Variants in MSI2 observed in about 807,000 individuals in gnomAD.
MSI2 encodes musashi RNA binding protein 2.
MSI2 carries 17 observed loss-of-function variants against 45.6 expected under a neutral mutation model. The observed-to-expected ratio is 0.37, with a 90% confidence interval of 0.26 to 0.56. The LOEUF is 0.56. Among genes scored for constraint, MSI2 ranks in the 20% least tolerant of loss-of-function variants. The pLI is 0.77. For missense variants in MSI2, 293 were observed against 444.2 expected, an observed-to-expected ratio of 0.66 and a Z score of 3.06; for synonymous variants, 156 against 158.2, an observed-to-expected ratio of 0.99 and a Z score of 0.11.
intron 7 of MSI2, among the ~76,000 whole-genome samples, chr17:57,558,667 C>T (rs558832060): frequency 1.1e-3 from 171 of 152,328 alleles, no homozygotes; most frequent in Non-Finnish European, 2.1e-3. Flanking sequence ...ACCAGCCCTG[C>T]CAAGAGCAAA....
chr17:57,410,100 GGGCA>G (rs2084167429), intron 6 of MSI2, among the ~76,000 whole-genome samples: 1 of 151,706 alleles, frequency 6.6e-6, no homozygotes, highest in African/African-American at 2.4e-5. Context: ...GAGAAGACCT[GGGCA>G]GGATGCAGGT....
At chr17:57,339,249 G>C (rs1398979482) in intron 5 of MSI2, among the ~76,000 whole-genome samples, 1 of 152,214 alleles carries the variant, frequency 6.6e-6, no homozygotes, top group Non-Finnish European at 1.5e-5. Context: ...CTTCGCGTTT[G>C]GGCAGCCTCC....
Position 57,260,793 on chromosome 17 carries a change from G to A in MSI2, c.271-1358G>A, listed in dbSNP as rs75768815. Among the ~76,000 whole-genome samples, 11 of 152,240 alleles carry A rather than the reference G, an allele frequency of 7.2e-5. No homozygotes were observed. In the East Asian group the frequency reaches 2.1e-3, roughly 29 times the overall value. On this transcript the variant is annotated intron_variant, in intron 4 of 13. Transcript: ENST00000284073. ...TCTTTAAGCCCCCGTAATAACAGCA[G>A]GAAATCCTCATATGTCTTTCTGGCT...
Position 57,529,818 on chromosome 17 carries a change from A to C in MSI2, c.454+94A>C, listed in dbSNP as rs908386275. The C allele has an allele frequency of 1.3e-5, 14 of 1,038,136 alleles. No individual in the cohort carries two copies. The highest frequency in any genetic ancestry group is 2.0e-5 in the Non-Finnish European group (14 of 692,652). 64.3% of individuals were successfully genotyped at this position (1,038,136 alleles called of 1,614,324 possible). ...CCCACTGACAAAAGATACAGTGAAG[A>C]GTCCAGAGTCAAGCAGGTAGAGGTG... On this transcript the variant is annotated intron_variant, in intron 7 of 13. Coordinates refer to ENST00000284073, the MANE Select transcript of MSI2 (RefSeq NM_138962.4). This position sits in a 1 kb window ranked among gnomAD's most constrained non-coding sequence, Gnocchi z 5.3.
intron 7 of MSI2, among the ~76,000 whole-genome samples, chr17:57,566,610 C>A (rs2087739116): frequency 6.6e-6 from 1 of 152,126 alleles, no homozygotes; most frequent in South Asian, 2.1e-4. Flanking sequence ...CATTTCAAGA[C>A]ACAGAATATA....
chr17:57,537,217 T>C (rs768128531), intron 7 of MSI2, among the ~76,000 whole-genome samples: 22 of 152,148 alleles, frequency 1.4e-4, no homozygotes, highest in Middle Eastern at 3.2e-3. Context: ...CAAGGTTCTG[T>C]GCCTCCAGTG....
chr17:57,594,360 G>A (rs1238349060), intron 7 of MSI2, among the ~76,000 whole-genome samples: 1 of 152,208 alleles, frequency 6.6e-6, no homozygotes, highest in African/African-American at 2.4e-5. Context: ...TAAGTTCCTG[G>A]CTGAGTGCTC....
chr17:57,258,303 A>G lies in MSI2; in HGVS notation c.219A>G (p.Ala73=), dbSNP rs149237363. The G allele has an allele frequency of 5.6e-5, 90 of 1,614,140 alleles. No homozygotes were observed. The Middle Eastern group carries it at 9.9e-4, about 18-fold the overall frequency. Residue 73 remains alanine (A), a synonymous_variant, in exon 4 of 14, where the codon GCA becomes GCG. Transcript: ENST00000284073. The part of the protein sequence containing the change: ...GFGFVTFADP[A]SVDKVLGQPH... ...GTTTCGTCACGTTCGCAGACCCAGC[A>G]AGTGTAGATAAAGTATTAGGTCAGC...
chr17:57,553,165 C>T (rs1228180304), intron 7 of MSI2, among the ~76,000 whole-genome samples: 1 of 152,204 alleles, frequency 6.6e-6, no homozygotes, highest in Non-Finnish European at 1.5e-5. Flanking sequence ...CCCCCAAGGC[C>T]AGACTCGAGG....
At chr17:57,634,185 C>T (rs1474507598) in intron 10 of MSI2, among the ~76,000 whole-genome samples, 1 of 152,164 alleles carries the variant, frequency 6.6e-6, no homozygotes, top group Non-Finnish European at 1.5e-5. Flanking sequence ...GAAGCTCTGG[C>T]CAGGCGTAGT....
intron 6 of MSI2, among the ~76,000 whole-genome samples, chr17:57,457,346 A>T (rs1226302755): frequency 1.3e-5 from 2 of 152,198 alleles, no homozygotes; most frequent in Non-Finnish European, 2.9e-5. Flanking sequence ...CAAGGGCTCC[A>T]TGGCCGTACA....
At chr17:57,614,144 G>A (rs1365214668) in intron 8 of MSI2, among the ~76,000 whole-genome samples, 3 of 151,984 alleles carry the variant, frequency 2.0e-5, no homozygotes, top group Non-Finnish European at 4.4e-5. Flanking sequence ...TCCACCTCCC[G>A]GGTTCAAGCG....
At chr17:57,580,465 G>T (rs561634746) in intron 7 of MSI2, among the ~76,000 whole-genome samples, 7 of 152,282 alleles carry the variant, frequency 4.6e-5, no homozygotes, top group African/African-American at 1.7e-4. Context: ...CTCCACTTAG[G>T]CCTGGCCCCT....
rs776229369 is a variant in MSI2, at chr17:57,339,065, C to T, written c.313-62314C>T. Reference sequence around the variant, plus strand: ...CTTTGTGGCTTTCAAAAGAAAATCACGGACGTTAAAATAAATGACGCAAAT... The same window carrying T: ...CTTTGTGGCTTTCAAAAGAAAATCATGGACGTTAAAATAAATGACGCAAAT... On this transcript the variant is annotated intron_variant, in intron 5 of 13. Transcript: ENST00000284073. Among the ~76,000 whole-genome samples the T allele has an allele frequency of 5.3e-5, 8 of 152,236 alleles. No individual in the cohort carries two copies. In the South Asian group the frequency reaches 6.2e-4, roughly 12 times the overall value.
chr17:57,368,907 G>A (rs1190797973), intron 5 of MSI2, among the ~76,000 whole-genome samples: 1 of 152,228 alleles, frequency 6.6e-6, no homozygotes, highest in East Asian at 1.9e-4. Context: ...AAGCATTCTA[G>A]AAGGAAGGAA....
At chr17:57,677,119 C>A in intron 13 of MSI2, 60 bp downstream of exon 13, 2 of 1,116,056 alleles carry the variant, frequency 1.8e-6, no homozygotes, top group Non-Finnish European at 2.8e-6. Flanking sequence ...TGTATGTCCA[C>A]AGGTCATACA....
At chr17:57,360,734 G>A (rs1024844368) in intron 5 of MSI2, among the ~76,000 whole-genome samples, 1 of 152,346 alleles carries the variant, frequency 6.6e-6, no homozygotes, top group Non-Finnish European at 1.5e-5. Context: ...TATGGGAAGA[G>A]CGAATATAAC....
intron 6 of MSI2, among the ~76,000 whole-genome samples, chr17:57,482,246 T>C (rs2085661742): frequency 1.3e-5 from 2 of 152,204 alleles, no homozygotes; most frequent in Admixed American, 6.5e-5. Context: ...AAGAATGCAT[T>C]GTCTTGGAGT....
rs1406363628 is a variant in MSI2 at position 57,296,603 on chromosome 17, AT to A, written c.312+34414del. 4.6e-5 allele frequency among the ~76,000 whole-genome samples: 7 copies of A among 152,354 alleles called. No individual in the cohort carries two copies. In the South Asian group the frequency reaches 1.4e-3, roughly 32 times the overall value. On this transcript the variant is annotated intron_variant, in intron 5 of 13. Coordinates refer to ENST00000284073, the MANE Select transcript of MSI2 (RefSeq NM_138962.4). ...ATAAATAATCATAAAATGTTTACAT[AT>A]TTAAAAACAAATAATATTAAAATGC... is the stretch of plus-strand genomic sequence containing the variant.
Sources: gnomAD v4.1 joint callset for allele counts (sites outside exome capture counted in the v4.1 genomes callset) on GRCh38, gnomAD v4.1.1 for gene constraint, Gnocchi (gnomAD v3.1) non-coding constraint, MANE v1.5 for transcripts, NCBI Gene and HGNC (gene_info 2026-07-23, HGNC 2026-07-21) for gene names.